The following MAPKAP1 variants were observed in gnomAD, a reference collection of about 807,000 sequenced individuals.
The protein encoded by MAPKAP1 is target of rapamycin complex 2 subunit MAPKAP1.
MAPKAP1 carries 20 observed loss-of-function variants against 65.7 expected under a neutral mutation model. That is an observed-to-expected ratio of 0.30 (90% CI 0.21 to 0.44). The LOEUF (loss-of-function observed/expected upper bound fraction) is 0.44, where lower values mean the gene tolerates loss of function less well. MAPKAP1 is among the 20% of genes least tolerant of loss of function. The pLI is 1.00. For synonymous variants in MAPKAP1, 222 were observed against 244.3 expected (o/e 0.91, Z 0.85); for missense variants, 423 against 648.0 (o/e 0.65, Z 3.77).
intron 4 of MAPKAP1, among the ~76,000 whole-genome samples, chr9:125,625,474 G>C (rs931975512): frequency 7.2e-5 from 11 of 152,204 alleles, no homozygotes; most frequent in African/African-American, 2.6e-4. Flanking sequence ...CTTTTTATAA[G>C]CTTAACAAAA....
At chr9:125,477,417 G>GT (rs760667140) in intron 9 of MAPKAP1, among the ~76,000 whole-genome samples, 15 of 152,150 alleles carry the variant, frequency 9.9e-5, no homozygotes, top group Non-Finnish European at 1.6e-4. Flanking sequence ...GAGATAAGGG[G>GT]TAAGAAAGTC....
rs1336495435 is a variant in MAPKAP1 at position 125,559,540 on chromosome 9, T to C, written c.848+93A>G. The C allele has an allele frequency of 3.4e-6, 4 of 1,171,824 alleles. No homozygotes were observed. In the African/African-American group the frequency reaches 4.7e-5, roughly 14 times the overall value. The allele number at this position is 1,171,824 out of a possible 1,614,324, so 72.6% of individuals were successfully genotyped here. A position where few individuals can be genotyped will look rare whatever the true frequency, so the allele number is the denominator to read the frequency against. ...ACCAGTGGACTCTCCAGATGCCAAA[T>C]ATCATTTATTTGATGAACAAAACCA... On this transcript the variant is annotated intron_variant, in intron 6 of 11. Coordinates refer to ENST00000265960, the MANE Select transcript of MAPKAP1 (RefSeq NM_001006617.3).
In MAPKAP1 at chr9:125,660,030, C is replaced by T. The variant is rs559541903; in HGVS notation, c.350-2231G>A. 3.3e-5 allele frequency among the ~76,000 whole-genome samples: 5 copies of T among 152,256 alleles called. No individual in the cohort carries two copies. In the East Asian group the frequency reaches 7.7e-4, roughly 23 times the overall value. On this transcript the variant is annotated intron_variant, in intron 3 of 11. Transcript: ENST00000265960. ...TTTAACATTTTTTTCACTTGGTCCC[C>T]AGGACTCCACTCTATCTGGCTTTTA...
chr9:125,576,381 G>A (rs1032259034), intron 5 of MAPKAP1, among the ~76,000 whole-genome samples: 8 of 152,212 alleles, frequency 5.3e-5, no homozygotes, highest in Non-Finnish European at 1.0e-4. Context: ...GGAAGGATAT[G>A]TATGGGAACT....
At chr9:125,577,287 C>T (rs1355196741) in intron 5 of MAPKAP1, among the ~76,000 whole-genome samples, 3 of 151,584 alleles carry the variant, frequency 2.0e-5, no homozygotes, top group South Asian at 4.2e-4. Context: ...ACCCAGCAGC[C>T]GTCCCGTCTG....
intron 10 of MAPKAP1, among the ~76,000 whole-genome samples, chr9:125,458,430 GC>G (rs1853286528): frequency 6.6e-6 from 1 of 152,008 alleles, no homozygotes; most frequent in Admixed American, 6.5e-5. Context: ...TAACGAGCAT[GC>G]TGCCTTCAAG....
chr9:125,459,942 T>C (rs7864850), intron 10 of MAPKAP1, among the ~76,000 whole-genome samples: 11,236 of 152,112 alleles, frequency 0.074, 981 homozygotes, highest in East Asian at 0.22. Flanking sequence ...ACTTTTTCCA[T>C]GTCTAAGAGA....
intron 8 of MAPKAP1, among the ~76,000 whole-genome samples, chr9:125,488,295 G>A (rs1332981517): frequency 2.0e-5 from 3 of 152,176 alleles, no homozygotes. Context: ...AATTCACGCT[G>A]CTCACTCCAA....
At chr9:125,452,142 C>G (rs895003140) in intron 10 of MAPKAP1, among the ~76,000 whole-genome samples, 2 of 151,822 alleles carry the variant, frequency 1.3e-5, no homozygotes, top group African/African-American at 4.8e-5. Flanking sequence ...CTCTGTCACT[C>G]AGCTGGAGTG....
intron 10 of MAPKAP1, among the ~76,000 whole-genome samples, chr9:125,459,650 G>C (rs907747295): frequency 5.9e-5 from 9 of 151,986 alleles, no homozygotes; most frequent in Non-Finnish European, 5.9e-5. Flanking sequence ...CCGTCTCCAC[G>C]AAAAAAATAC....
Position 125,444,595 on chromosome 9 carries a change from T to C in MAPKAP1, c.1349A>G (p.His450Arg), listed in dbSNP as rs1460570415. ...CDLAEEKSPS[H>R]AIFKLTYLSN... The stretch of plus-strand genomic sequence containing the variant: ...TAGATACGTGAGTTTAAATATTGCG[T>C]GACCTGCAGAGACAGAAAACTGTGT... The change falls in exon 11 of 12, where the codon CAC becomes CGC. Residue 450 changes from histidine (H) to arginine (R), a missense_variant. By Grantham distance (29) the His-to-Arg change is conservative. Transcript: ENST00000265960. The C allele has an allele frequency of 1.2e-6, 2 of 1,611,336 alleles. No homozygotes were observed. Among genetic ancestry groups the C allele is most frequent in the African/African-American group, 2.7e-5 (2 of 74,844 alleles).
At chr9:125,693,285 G>A (rs1002130528) in intron 1 of MAPKAP1, among the ~76,000 whole-genome samples, 1 of 151,698 alleles carries the variant, frequency 6.6e-6, no homozygotes, top group Non-Finnish European at 1.5e-5. Context: ...GTGGTGGCAC[G>A]CACCTGTAAT....
chr9:125,622,538 C>CG (rs1832937521), intron 4 of MAPKAP1, among the ~76,000 whole-genome samples: 1 of 151,500 alleles, frequency 6.6e-6, no homozygotes, highest in African/African-American at 2.4e-5. Flanking sequence ...CTCTGCCCCC[C>CG]GGATTCAAGC....
At chr9:125,700,099 C>T (rs1031155113) in intron 1 of MAPKAP1, among the ~76,000 whole-genome samples, 2 of 152,220 alleles carry the variant, frequency 1.3e-5, no homozygotes, top group Admixed American at 6.5e-5. Context: ...AGCCAATAAT[C>T]AAATCCAAGC....
At chr9:125,519,652 T>TATA (rs1829563829) in intron 7 of MAPKAP1, among the ~76,000 whole-genome samples, 1 of 141,716 alleles carries the variant, frequency 7.1e-6, no homozygotes, top group Admixed American at 7.4e-5. Context: ...TATATGTCTT[T>TATA]TATATATATA....
intron 5 of MAPKAP1, 70 bp downstream of exon 5, chr9:125,585,485 A>AG: frequency 5.2e-6 from 8 of 1,532,410 alleles, no homozygotes; most frequent in Non-Finnish European, 7.1e-6. Context: ...AAGACTAACC[A>AG]GCCTAGAAGA....
At chr9:125,456,768 G>C (rs891812753) in intron 10 of MAPKAP1, among the ~76,000 whole-genome samples, 3 of 152,184 alleles carry the variant, frequency 2.0e-5, no homozygotes, top group African/African-American at 7.2e-5. Flanking sequence ...GAAACCCTGA[G>C]ATGACTGCAG....
chr9:125,456,859 C>T (rs1470785440), intron 10 of MAPKAP1, among the ~76,000 whole-genome samples: 1 of 150,444 alleles, frequency 6.6e-6, no homozygotes, highest in Non-Finnish European at 1.5e-5. Flanking sequence ...ACCTGACCCA[C>T]CAAACTGTAA....
chr9:125,687,291 A>T (rs1221178299), intron 1 of MAPKAP1, among the ~76,000 whole-genome samples: 1 of 152,176 alleles, frequency 6.6e-6, no homozygotes, highest in Non-Finnish European at 1.5e-5. Flanking sequence ...GTTTTGCCAC[A>T]TCTAGAGTTC....
Sources: allele counts gnomAD v4.1 joint callset (sites outside exome capture counted in the v4.1 genomes callset), GRCh38; gene constraint gnomAD v4.1.1; transcripts MANE v1.5; gene names NCBI Gene and HGNC (gene_info 2026-07-23, HGNC 2026-07-21).